The following SLC43A2 variants were observed in gnomAD, a reference collection of about 807,000 sequenced individuals.
SLC43A2 encodes the protein solute carrier family 43 member 2, also known as large neutral amino acids transporter small subunit 4.
A neutral mutation model predicts 63.2 loss-of-function variants in SLC43A2; 38 were observed. The observed-to-expected ratio is 0.60, with a 90% confidence interval of 0.46 to 0.79. SLC43A2 has a LOEUF of 0.79. Ranked by LOEUF, SLC43A2 falls within the 30% of genes least tolerant of loss-of-function variation. SLC43A2 has a pLI of 0.00. For synonymous variants in SLC43A2, 322 were observed against 331.0 expected (o/e 0.97, Z 0.30); for missense variants, 644 against 756.2 (o/e 0.85, Z 1.74).
chr17:1,586,926 AAT>A, intron 9 of SLC43A2: 19 of 1,214,324 alleles, frequency 1.6e-5, no homozygotes, highest in Non-Finnish European at 2.1e-5. Flanking sequence ...ATTCCCTGAC[AAT>A]CCCCCCCACC....
chr17:1,581,757 TG>T (rs1352549174), intron 11 of SLC43A2, among the ~76,000 whole-genome samples: 1 of 151,674 alleles, frequency 6.6e-6, no homozygotes, highest in African/African-American at 2.4e-5. Flanking sequence ...TCAAAATCTC[TG>T]TCAAAAATCA....
intron 1 of SLC43A2, 179 bp from the exon 2 acceptor site, chr17:1,628,099 G>A (rs1908857980): frequency 1.9e-6 from 1 of 531,450 alleles, no homozygotes; most frequent in Non-Finnish European, 2.7e-6. Context: ...CCCCGAGCCC[G>A]CGGCCGGCTC....
At chr17:1,621,860 G>A (rs1190089430) in intron 2 of SLC43A2, among the ~76,000 whole-genome samples, 1 of 152,222 alleles carries the variant, frequency 6.6e-6, no homozygotes, top group Non-Finnish European at 1.5e-5. Context: ...TGGGCTAGAG[G>A]CTCATATCCC....
At chr17:1,613,986 G>T (rs1230054850) in intron 4 of SLC43A2, among the ~76,000 whole-genome samples, 1 of 152,086 alleles carries the variant, frequency 6.6e-6, no homozygotes, top group Non-Finnish European at 1.5e-5. Context: ...GCTCACGCCT[G>T]TAATCCCAGC....
At position 1,614,963 on chromosome 17, in the gene SLC43A2, G is replaced by A. The variant is rs774120041; in HGVS notation, c.424+16C>T. 3 of 1,613,474 alleles carry A rather than the reference G, an allele frequency of 1.9e-6. No individual in the cohort carries two copies. The highest frequency in any genetic ancestry group is 2.2e-5 in the East Asian group (1 of 44,874). Reference sequence around the variant, plus strand: ...TCCCCGGTCCCTGACAGAAGATGGAGGGAGAGGACACTCACCGTTTGGTTT... The same window carrying A: ...TCCCCGGTCCCTGACAGAAGATGGAAGGAGAGGACACTCACCGTTTGGTTT... On this transcript the variant is annotated intron_variant, in intron 4 of 13. Transcript: ENST00000301335.
Position 1,575,740 on chromosome 17 carries a change from C to G in SLC43A2, c.1574G>C (p.Ser525Thr), listed in dbSNP as rs1438556503. ...GAGCGGGAGGCAGAAGCCCAGCAGG[C>G]TGAGAAGGAGCAGCCCCACGTTCAC... ...LWVNVGLLLL[S>T]LLGFCLPLYL... Residue 525 changes from serine to threonine, a missense_variant, in exon 14 of 14, where the codon AGC (serine) becomes ACC (threonine). Transcript: ENST00000301335. 1 of 1,612,934 alleles carries G rather than the reference C, an allele frequency of 6.2e-7. No homozygotes were observed. Among genetic ancestry groups the G allele is most frequent in the Admixed American group, 1.7e-5 (1 of 59,986 alleles).
intron 5 of SLC43A2, among the ~76,000 whole-genome samples, chr17:1,596,248 G>A (rs1905263688): frequency 1.3e-5 from 2 of 152,046 alleles, no homozygotes; most frequent in East Asian, 1.9e-4. Context: ...TGAACCGGGA[G>A]ATGGAGGTTG....
intron 9 of SLC43A2, among the ~76,000 whole-genome samples, chr17:1,587,682 C>CA (rs202227452): frequency 0.035 from 5,301 of 152,242 alleles, 214 homozygotes; most frequent in African/African-American, 0.093. Flanking sequence ...CTCCAGGCCT[C>CA]GTTTTTCAGG....
chr17:1,588,529 GA>G lies in SLC43A2; in HGVS notation c.1078+2272del, dbSNP rs754151073. 4.8e-3 allele frequency among the ~76,000 whole-genome samples: 632 copies of G among 131,606 alleles called. 3 individuals are homozygous for G. The highest frequency in any genetic ancestry group is 7.5e-3 in the Admixed American group (98 of 12,986). 86.3% of individuals were successfully genotyped at this position (131,606 alleles called of 152,430 possible). On this transcript the variant is annotated intron_variant, in intron 9 of 13. Transcript: ENST00000301335. Reference sequence around the variant, plus strand: ...AAAATAGCAAGACCTTGTCTTTATGGAAAAAAAAAAAAAACAAATTAGCCAG... The same window carrying G: ...AAAATAGCAAGACCTTGTCTTTATGGAAAAAAAAAAAAACAAATTAGCCAG...
In SLC43A2 at chr17:1,591,835, G is replaced by C. The variant is rs558419201; in HGVS notation, c.595-136C>G. 3 of 688,490 alleles carry C rather than the reference G, an allele frequency of 4.4e-6. No individual in the cohort carries two copies. In the Admixed American group the frequency reaches 8.8e-5, roughly 20 times the overall value. 42.6% of individuals were successfully genotyped at this position (688,490 alleles called of 1,614,324 possible). ...GAGCCGCGCAAAGAGGCACAGCCCT[G>C]CCAGCCTGGGCGTTGGGGCATCAGG... On this transcript the variant is annotated intron_variant, in intron 6 of 13. Coordinates refer to ENST00000301335, the MANE Select transcript of SLC43A2 (RefSeq NM_152346.3).
At chr17:1,604,539 A>T in intron 5 of SLC43A2, 3 of 632,904 alleles carry the variant, frequency 4.7e-6, no homozygotes, top group African/African-American at 1.8e-5. Flanking sequence ...GGAGGTCACC[A>T]CACTGATGCT....
At chr17:1,585,252 T>C in intron 10 of SLC43A2, 1 of 995,298 alleles carries the variant, frequency 1.0e-6, no homozygotes, top group Non-Finnish European at 1.2e-6. Flanking sequence ...TTTATTGTTT[T>C]TTCTTTTTGA....
intron 5 of SLC43A2, chr17:1,604,371 T>C (rs886111061): frequency 1.0e-5 from 2 of 192,360 alleles, no homozygotes; most frequent in African/African-American, 4.7e-5. Context: ...TAAATTTGTT[T>C]TTGGAGATGA....
Position 1,593,577 on chromosome 17 carries a change from T to C in SLC43A2, c.502-298A>G, listed in dbSNP as rs1298484192. 6.6e-6 allele frequency among the ~76,000 whole-genome samples: 1 copy of C among 152,282 alleles called. No individual in the cohort carries two copies. Among genetic ancestry groups the C allele is most frequent in the Non-Finnish European group, 1.5e-5 (1 of 68,010 alleles). On this transcript the variant is annotated intron_variant, in intron 5 of 13. Transcript: ENST00000301335. The surrounding 1 kb of genome is among the most constrained non-coding windows in gnomAD (Gnocchi z 5.3). The stretch of plus-strand genomic sequence containing the variant: ...GCAGAGCCCAGGAGCCTTCTTGTCT[T>C]TTCAGGGTAACACTGAGATGCCAGA...
intron 5 of SLC43A2, among the ~76,000 whole-genome samples, chr17:1,601,522 G>A (rs1331862818): frequency 1.3e-5 from 2 of 151,672 alleles, no homozygotes; most frequent in Non-Finnish European, 2.9e-5. Flanking sequence ...AGGCGCTACT[G>A]AGCCAGAGCC....
At chr17:1,626,986 G>A (rs1288047004) in intron 2 of SLC43A2, among the ~76,000 whole-genome samples, 3 of 152,160 alleles carry the variant, frequency 2.0e-5, no homozygotes, top group Admixed American at 6.5e-5. Flanking sequence ...GTGTTGGGTG[G>A]TGCAGATGTC....
At chr17:1,597,754 T>C (rs1025096862) in intron 5 of SLC43A2, among the ~76,000 whole-genome samples, 13 of 149,232 alleles carry the variant, frequency 8.7e-5, no homozygotes, top group African/African-American at 3.2e-4. Context: ...AGTCAAGATA[T>C]CGCCACTGCC....
intron 5 of SLC43A2, among the ~76,000 whole-genome samples, chr17:1,602,095 G>A (rs1906102200): frequency 6.6e-6 from 1 of 152,196 alleles, no homozygotes; most frequent in Non-Finnish European, 1.5e-5. Flanking sequence ...GGTGTGCGCC[G>A]CCCTCCTGAA....
At chr17:1,597,933 C>T (rs543974982) in intron 5 of SLC43A2, among the ~76,000 whole-genome samples, 83 of 152,358 alleles carry the variant, frequency 5.4e-4, no homozygotes, top group Non-Finnish European at 9.4e-4. Flanking sequence ...GTACCTGCCT[C>T]CCAGGTAGGT....
Sources: allele counts gnomAD v4.1 joint callset (sites outside exome capture counted in the v4.1 genomes callset), GRCh38; gene constraint gnomAD v4.1.1; non-coding constraint Gnocchi (gnomAD v3.1); transcripts MANE v1.5; gene names NCBI Gene and HGNC (gene_info 2026-07-23, HGNC 2026-07-21).